The following PCDH9 variants were observed in gnomAD, a reference collection of about 807,000 sequenced individuals.
PCDH9 encodes protocadherin 9.
A neutral mutation model predicts 70.6 loss-of-function variants in PCDH9; 24 were observed. That is an observed-to-expected ratio of 0.34 (90% CI 0.25 to 0.48). PCDH9 has a LOEUF of 0.48. Among genes scored for constraint, PCDH9 ranks in the 20% least tolerant of loss-of-function variants. The pLI is 0.99. For synonymous variants in PCDH9, 562 were observed against 558.5 expected (o/e 1.01, Z -0.09); for missense variants, 1,281 against 1,503.6 (o/e 0.85, Z 2.45).
chr13:67,006,039 A>G (rs1232904797), intron 2 of PCDH9, among the ~76,000 whole-genome samples: 1 of 152,204 alleles, frequency 6.6e-6, no homozygotes, highest in Non-Finnish European at 1.5e-5. Context: ...ATCCTGGCTA[A>G]CACGGTGAAA....
intron 2 of PCDH9, among the ~76,000 whole-genome samples, chr13:67,031,156 G>A (rs899173603): frequency 1.3e-5 from 2 of 152,048 alleles, no homozygotes; most frequent in Non-Finnish European, 1.5e-5. Context: ...AGCCATAAAC[G>A]ACATTGAAAG....
chr13:66,502,148 G>A (rs1324379373), intron 4 of PCDH9, among the ~76,000 whole-genome samples: 2 of 152,078 alleles, frequency 1.3e-5, no homozygotes, highest in Non-Finnish European at 2.9e-5. Context: ...TGGCTACATT[G>A]GGTGAATTAA....
intron 4 of PCDH9, among the ~76,000 whole-genome samples, chr13:66,503,905 T>C (rs1959190124): frequency 6.6e-6 from 1 of 152,126 alleles, no homozygotes; most frequent in Admixed American, 6.5e-5. Context: ...AACTATTAAG[T>C]CAACAGAAGA....
At chr13:66,481,204 A>G (rs12866298) in intron 4 of PCDH9, among the ~76,000 whole-genome samples, 50,335 of 151,332 alleles carry the variant, frequency 0.33, 8,548 homozygotes, top group African/African-American at 0.37. Flanking sequence ...ACCTAATGCA[A>G]ATGACGGGTT....
rs149420408 is a variant in PCDH9, at chr13:66,382,027, T to C, written c.3341-76999A>G. ...CTGTGACTTGGCATAGATTATTGTG[T>C]AAAGAGTACAGGTTAGACGTTCCAA... On this transcript the variant is annotated intron_variant, in intron 4 of 4. Transcript: ENST00000377865. Among the ~76,000 whole-genome samples, 485 of 152,172 alleles carry C rather than the reference T, an allele frequency of 3.2e-3. 4 individuals are homozygous for C. The highest frequency in any genetic ancestry group is 0.011 in the African/African-American group (463 of 41,518).
At chr13:67,092,696 C>T (rs982285963) in intron 2 of PCDH9, among the ~76,000 whole-genome samples, 7 of 152,196 alleles carry the variant, frequency 4.6e-5, no homozygotes, top group African/African-American at 1.7e-4. Context: ...CGCATGATTT[C>T]TCCCCTATGT....
intron 2 of PCDH9, among the ~76,000 whole-genome samples, chr13:66,939,905 T>G (rs548938081): frequency 6.6e-6 from 1 of 152,324 alleles, no homozygotes; most frequent in African/African-American, 2.4e-5. Flanking sequence ...GTGTATTGTT[T>G]TATAAATACT....
chr13:66,666,421 T>C (rs966878427), intron 3 of PCDH9, among the ~76,000 whole-genome samples: 5 of 119,856 alleles, frequency 4.2e-5, no homozygotes, highest in African/African-American at 6.6e-5. Flanking sequence ...TCTTCTGATG[T>C]TCTGTGTTTT....
intron 2 of PCDH9, among the ~76,000 whole-genome samples, chr13:67,138,453 A>G (rs183415195): frequency 2.0e-5 from 3 of 152,188 alleles, no homozygotes; most frequent in African/African-American, 7.2e-5. Context: ...AGGAAGGAAA[A>G]TAGGGTCTGG....
At chr13:67,066,575 A>G (rs764091340) in intron 2 of PCDH9, among the ~76,000 whole-genome samples, 3 of 152,268 alleles carry the variant, frequency 2.0e-5, no homozygotes, top group African/African-American at 7.2e-5. Context: ...TAGAGAATGC[A>G]TGGTTCAATT....
intron 3 of PCDH9, among the ~76,000 whole-genome samples, chr13:66,670,464 T>A (rs1191028003): frequency 6.6e-6 from 1 of 152,174 alleles, no homozygotes; most frequent in African/African-American, 2.4e-5. Context: ...ATCATCATCT[T>A]AATTATAAAT....
At chr13:66,759,681 C>T (rs1365767033) in intron 3 of PCDH9, among the ~76,000 whole-genome samples, 1 of 144,636 alleles carries the variant, frequency 6.9e-6, no homozygotes, top group African/African-American at 2.9e-5. Flanking sequence ...TTCACAGTTA[C>T]CATGAGGCTT....
chr13:66,337,162 G>C (rs1229957282), intron 4 of PCDH9, among the ~76,000 whole-genome samples: 1 of 151,692 alleles, frequency 6.6e-6, no homozygotes, highest in African/African-American at 2.4e-5. Context: ...GCAATATTTG[G>C]TATATTCCCA....
At chr13:66,437,360 G>A (rs1393318403) in intron 4 of PCDH9, among the ~76,000 whole-genome samples, 1 of 117,480 alleles carries the variant, frequency 8.5e-6, no homozygotes, top group Non-Finnish European at 1.6e-5. Flanking sequence ...AGCCGAGATC[G>A]CTCCACCGCA....
At chr13:66,432,224 A>G in intron 4 of PCDH9, among the ~76,000 whole-genome samples, 1 of 152,078 alleles carries the variant, frequency 6.6e-6, no homozygotes, top group East Asian at 1.9e-4. Context: ...CAAGTGGAAT[A>G]TTATAGCACT....
intron 3 of PCDH9, among the ~76,000 whole-genome samples, chr13:66,820,539 G>A (rs1040028301): frequency 1.4e-4 from 22 of 152,124 alleles, no homozygotes; most frequent in Middle Eastern, 3.4e-3. Context: ...TTATAAAGAC[G>A]GATACATGTG....
chr13:66,622,973 C>T (rs2077447361), intron 4 of PCDH9, among the ~76,000 whole-genome samples: 2 of 152,034 alleles, frequency 1.3e-5, no homozygotes, highest in African/African-American at 2.4e-5. Context: ...CAACTCCAGA[C>T]GGGCCCCCTT....
intron 2 of PCDH9, among the ~76,000 whole-genome samples, chr13:67,038,082 T>C (rs2085044082): frequency 6.6e-6 from 1 of 152,062 alleles, no homozygotes; most frequent in Non-Finnish European, 1.5e-5. Flanking sequence ...TAGAATATGG[T>C]TGTTAGATTG....
chr13:66,506,389 C>T (rs140926338), intron 4 of PCDH9, among the ~76,000 whole-genome samples: 3 of 152,254 alleles, frequency 2.0e-5, no homozygotes, highest in East Asian at 1.9e-4. Flanking sequence ...TCATTCTTCC[C>T]TCTTACCGTG....
Sources: allele counts gnomAD v4.1 joint callset (sites outside exome capture counted in the v4.1 genomes callset), GRCh38; gene constraint gnomAD v4.1.1; transcripts MANE v1.5; gene names NCBI Gene and HGNC (gene_info 2026-07-23, HGNC 2026-07-21).